RIT2: variants seen among roughly 807,000 people sequenced by gnomAD.
RIT2 encodes the protein GTP-binding protein Rit2.
Under a neutral mutation model 23.7 loss-of-function variants are expected in RIT2, and 24 were observed. The ratio of observed to expected loss-of-function variants is 1.01; its 90% CI spans 0.73 to 1.43. The LOEUF (loss-of-function observed/expected upper bound fraction) is 1.43, where lower values mean the gene tolerates loss of function less well. Ranked by LOEUF, RIT2 falls within the 40% of genes most tolerant of loss-of-function variation. RIT2 has a pLI of 0.00. For synonymous variants in RIT2, 107 were observed against 91.1 expected (o/e 1.17, Z -0.99); for missense variants, 236 against 266.9 (o/e 0.88, Z 0.81).
chr18:42,819,497 T>A (rs1258608522), intron 4 of RIT2, among the ~76,000 whole-genome samples: 2 of 152,078 alleles, frequency 1.3e-5, no homozygotes, highest in African/African-American at 2.4e-5. Context: ...CTTGACTGTG[T>A]CTTGGTGATG....
At chr18:43,024,513 C>T (rs982155608) in intron 2 of RIT2, among the ~76,000 whole-genome samples, 2 of 151,978 alleles carry the variant, frequency 1.3e-5, no homozygotes, top group Admixed American at 6.6e-5. Context: ...GCAAGTAATT[C>T]ATGACTGAGA....
intron 2 of RIT2, among the ~76,000 whole-genome samples, chr18:42,977,940 C>T (rs1481578426): frequency 6.6e-6 from 1 of 150,990 alleles, no homozygotes; most frequent in Non-Finnish European, 1.5e-5. Context: ...TATTCCTCTC[C>T]CAAAAGAGAA....
intron 2 of RIT2, among the ~76,000 whole-genome samples, chr18:42,986,587 C>T (rs191238065): frequency 1.3e-4 from 19 of 151,388 alleles, no homozygotes; most frequent in Middle Eastern, 3.4e-3. Context: ...CTGCAACCTC[C>T]GCCTCCTGGG....
chr18:42,844,317 A>T (rs1906849469), intron 4 of RIT2, among the ~76,000 whole-genome samples: 1 of 152,214 alleles, frequency 6.6e-6, no homozygotes. Context: ...TGGTGAGGGC[A>T]AAGGGACAAT....
chr18:42,765,132 G>C (rs1215087771), intron 4 of RIT2, among the ~76,000 whole-genome samples: 1 of 152,174 alleles, frequency 6.6e-6, no homozygotes, highest in South Asian at 2.1e-4. Context: ...AATTGGTAGG[G>C]TGAATGTTTT....
chr18:42,767,228 T>A (rs1239770177), intron 4 of RIT2, among the ~76,000 whole-genome samples: 2 of 152,124 alleles, frequency 1.3e-5, no homozygotes, highest in East Asian at 3.9e-4. Context: ...CACCAGCCCA[T>A]GAAAGAAGCT....
chr18:42,952,457 G>C (rs1909874084), intron 3 of RIT2, among the ~76,000 whole-genome samples: 1 of 151,992 alleles, frequency 6.6e-6, no homozygotes, highest in African/African-American at 2.4e-5. Context: ...GGGATCTACT[G>C]TATACTATAG....
intron 4 of RIT2, among the ~76,000 whole-genome samples, chr18:42,818,354 A>T (rs2143988190): frequency 6.6e-6 from 1 of 152,204 alleles, no homozygotes; most frequent in South Asian, 2.1e-4. Flanking sequence ...TATGAAAAAC[A>T]CTTTAAATGT....
At chr18:42,888,500 C>T (rs140776371) in intron 4 of RIT2, among the ~76,000 whole-genome samples, 61 of 151,802 alleles carry the variant, frequency 4.0e-4, no homozygotes, top group Middle Eastern at 3.4e-3. Context: ...CCCTTTTCGC[C>T]GCAGCCTCTC....
chr18:42,859,181 G>A lies in RIT2; in HGVS notation c.426+64391C>T, dbSNP rs182980380. On this transcript the variant is annotated intron_variant, in intron 4 of 4. Coordinates refer to ENST00000326695, the MANE Select transcript of RIT2 (RefSeq NM_002930.4). Reference sequence around the variant, plus strand: ...TTTTAAAATCTCACCAGCAATGTGTGAGAGTTCTGATTTCTCCATATCTTT... The same window carrying A: ...TTTTAAAATCTCACCAGCAATGTGTAAGAGTTCTGATTTCTCCATATCTTT... 1.0e-3 allele frequency among the ~76,000 whole-genome samples: 157 copies of A among 152,308 alleles called. 1 individual carries two copies. The highest frequency in any genetic ancestry group is 2.2e-3 in the Admixed American group (34 of 15,300).
intron 4 of RIT2, among the ~76,000 whole-genome samples, chr18:42,841,850 T>C (rs570030676): frequency 4.6e-5 from 7 of 152,212 alleles, no homozygotes; most frequent in Non-Finnish European, 1.0e-4. Flanking sequence ...AGGTGACTTA[T>C]ACTATAGTTT....
At chr18:43,073,449 T>C (rs1242555836) in intron 1 of RIT2, among the ~76,000 whole-genome samples, 2 of 152,184 alleles carry the variant, frequency 1.3e-5, no homozygotes, top group African/African-American at 4.8e-5. Flanking sequence ...CATTTAAAGG[T>C]ATAATATCAT....
intron 3 of RIT2, among the ~76,000 whole-genome samples, chr18:42,939,859 T>G (rs995502671): frequency 3.2e-4 from 49 of 151,970 alleles, no homozygotes; most frequent in African/African-American, 1.2e-3. Context: ...GTAAAAAAAT[T>G]ATAAGTACAA....
In RIT2 at chr18:42,876,700, G is replaced by GT. The variant is rs944336061; in HGVS notation, c.426+46871dup. Among the ~76,000 whole-genome samples, 505 of 149,070 alleles carry GT rather than the reference G, an allele frequency of 3.4e-3. 2 individuals carry two copies. Among genetic ancestry groups the GT allele is most frequent in the African/African-American group, 0.011 (459 of 40,862 alleles). On this transcript the variant is annotated intron_variant, in intron 4 of 4. Transcript: ENST00000326695. The stretch of plus-strand genomic sequence containing the variant: ...AAGATTCATGTTAATTTTAGTACAG[G>GT]TTTTTTTTTTCTAATAAGTAATAGC...
intron 4 of RIT2, among the ~76,000 whole-genome samples, chr18:42,865,262 G>T (rs1907438968): frequency 6.6e-6 from 1 of 152,200 alleles, no homozygotes; most frequent in African/African-American, 2.4e-5. Flanking sequence ...CCCTGGGCAT[G>T]CTATGTTGGG....
intron 4 of RIT2, among the ~76,000 whole-genome samples, chr18:42,800,688 C>G (rs1224158104): frequency 2.0e-5 from 3 of 151,992 alleles, no homozygotes; most frequent in African/African-American, 7.2e-5. Context: ...CGCCCCCACG[C>G]CCAGCTAATT....
chr18:42,869,836 C>A (rs1199550078), intron 4 of RIT2, among the ~76,000 whole-genome samples: 1 of 152,186 alleles, frequency 6.6e-6, no homozygotes, highest in African/African-American at 2.4e-5. Flanking sequence ...AGTGAATCCA[C>A]AAGTCATGAG....
intron 4 of RIT2, among the ~76,000 whole-genome samples, chr18:42,777,304 AAGAG>A (rs201818203): frequency 4.0e-5 from 6 of 151,726 alleles, no homozygotes; most frequent in Non-Finnish European, 8.8e-5. Context: ...AAAAAAAAGA[AAGAG>A]AGAAACAGGA....
intron 4 of RIT2, among the ~76,000 whole-genome samples, chr18:42,748,248 A>G (rs1398287598): frequency 2.0e-5 from 3 of 152,080 alleles, no homozygotes; most frequent in Non-Finnish European, 4.4e-5. Flanking sequence ...CAAGAAAAAA[A>G]CAAACAATCC....
Sources: allele counts gnomAD v4.1 joint callset (sites outside exome capture counted in the v4.1 genomes callset), GRCh38; gene constraint gnomAD v4.1.1; transcripts MANE v1.5; gene names NCBI Gene and HGNC (gene_info 2026-07-23, HGNC 2026-07-21).